NPR3: variants seen among roughly 807,000 people sequenced by gnomAD.
NPR3 encodes the protein atrial natriuretic peptide receptor 3.
A neutral mutation model predicts 54.5 loss-of-function variants in NPR3; 34 were observed. That is an observed-to-expected ratio of 0.62 (90% CI 0.47 to 0.83). NPR3 has a LOEUF of 0.83. Among genes scored for constraint, NPR3 ranks in the 40% least tolerant of loss-of-function variants. NPR3 has a pLI of 0.00. For synonymous variants in NPR3, 289 were observed against 297.1 expected, an observed-to-expected ratio of 0.97 and a Z score of 0.28; for missense variants, 674 against 720.8, an observed-to-expected ratio of 0.94 and a Z score of 0.74.
chr5:32,768,097 G>T (rs1448654666), intron 3 of NPR3, among the ~76,000 whole-genome samples: 1 of 152,110 alleles, frequency 6.6e-6, no homozygotes, highest in Non-Finnish European at 1.5e-5. Flanking sequence ...TTGGGTTTTG[G>T]TTTATGCCTT....
intron 2 of NPR3, among the ~76,000 whole-genome samples, chr5:32,730,325 C>T (rs1371866074): frequency 6.6e-6 from 1 of 152,054 alleles, no homozygotes; most frequent in African/African-American, 2.4e-5. Context: ...GGGGAACCTG[C>T]TTAGGTTGAC....
At chr5:32,722,317 C>A (rs1738907992) in intron 1 of NPR3, among the ~76,000 whole-genome samples, 1 of 152,122 alleles carries the variant, frequency 6.6e-6, no homozygotes, top group Non-Finnish European at 1.5e-5. Context: ...CCTCTACTGG[C>A]CTCCCTGATT....
At chr5:32,728,827 G>GTA (rs1221764954) in intron 2 of NPR3, among the ~76,000 whole-genome samples, 29 of 81,122 alleles carry the variant, frequency 3.6e-4, no homozygotes, top group Non-Finnish European at 5.4e-4. Flanking sequence ...GTGTGTGTGT[G>GTA]TGTGTGTGTG....
chr5:32,708,133 A>C (rs1244784839), upstream of NPR3, among the ~76,000 whole-genome samples: 2 of 151,998 alleles, frequency 1.3e-5, no homozygotes, highest in Non-Finnish European at 2.9e-5. Flanking sequence ...TTTCTTTCAA[A>C]TGGCTAATTT....
intron 1 of NPR3, among the ~76,000 whole-genome samples, chr5:32,702,026 C>T (rs1485848568): frequency 4.6e-5 from 7 of 152,150 alleles, no homozygotes; most frequent in African/African-American, 1.7e-4. Flanking sequence ...GTAACCACTG[C>T]CTTGCTACCA....
chr5:32,717,933 G>A (rs1265012834), intron 1 of NPR3, among the ~76,000 whole-genome samples: 2 of 152,144 alleles, frequency 1.3e-5, no homozygotes, highest in South Asian at 2.1e-4. Flanking sequence ...CCTTGCCCAT[G>A]CCTACGTCCT....
intron 3 of NPR3, among the ~76,000 whole-genome samples, chr5:32,749,176 G>A (rs1458042827): frequency 1.4e-5 from 2 of 144,760 alleles, no homozygotes; most frequent in African/African-American, 5.4e-5. Flanking sequence ...TTGGTGGGCT[G>A]TTATAATTTA....
intron 3 of NPR3, among the ~76,000 whole-genome samples, chr5:32,762,904 C>T (rs1741253074): frequency 6.6e-6 from 1 of 152,180 alleles, no homozygotes; most frequent in African/African-American, 2.4e-5. Flanking sequence ...GAAGTCTTTG[C>T]CCATGCCTAT....
rs1255898835 is a variant in NPR3, at chr5:32,712,300, C to G, written c.524C>G (p.Thr175Arg). 1.2e-6 allele frequency: 2 copies of G among 1,613,246 alleles called. No homozygotes were observed. Among genetic ancestry groups the G allele is most frequent in the East Asian group, 2.2e-5 (1 of 44,862 alleles). Residue 175 changes from threonine (T) to arginine (R), a missense_variant, in exon 1 of 8, where the codon ACG becomes AGG. Thr to Arg is a moderately conservative substitution (Grantham distance 71). Transcript: ENST00000265074. ...QHKDSEYSHL[T>R]RVAPAYAKMG... ...AAGGACTCTGAGTACTCGCACCTCA[C>G]GCGCGTGGCGCCCGCCTACGCCAAG...
rs1561141510 is a variant in NPR3 at position 32,789,706 on chromosome 5, C to A, written c.*3361C>A. The A allele has an allele frequency of 1.9e-6, 1 of 534,480 alleles. No homozygotes were observed. 33.1% of individuals were successfully genotyped at this position (534,480 alleles called of 1,614,324 possible). ...TGCATCACTTTCCTTTTAGTTATGG[C>A]TGATTTTGGGTGTGTGTGTGTAAGA... On this transcript the variant is annotated 3_prime_UTR_variant, in exon 8 of 8. Transcript: ENST00000265074.
intron 1 of NPR3, among the ~76,000 whole-genome samples, chr5:32,699,645 A>G (rs573171542): frequency 6.6e-6 from 1 of 152,286 alleles, no homozygotes; most frequent in South Asian, 2.1e-4. Flanking sequence ...TGTATTGTGT[A>G]TGTCTTGAAA....
At chr5:32,739,708 A>G (rs991009527) in intron 3 of NPR3, among the ~76,000 whole-genome samples, 3 of 152,152 alleles carry the variant, frequency 2.0e-5, no homozygotes, top group Non-Finnish European at 4.4e-5. Context: ...CTCATTTGGC[A>G]TCATTGTTTT....
At position 32,789,431 on chromosome 5, in the gene NPR3, C is replaced by A; in HGVS notation, c.*3086C>A. The A allele has an allele frequency of 1.9e-6, 1 of 529,866 alleles. No individual in the cohort carries two copies. Among genetic ancestry groups the A allele is most frequent in the South Asian group, 1.4e-5 (1 of 70,778 alleles). The allele number at this position is 529,866 out of a possible 1,614,324, so 32.8% of individuals were successfully genotyped here. ...GAAGGTCCCTGAAAACATCACATTT[C>A]TCTGAAGAACCATCAACTTGTCTTT... On this transcript the variant is annotated 3_prime_UTR_variant, in exon 8 of 8. Coordinates refer to ENST00000265074, the MANE Select transcript of NPR3 (RefSeq NM_001204375.2).
At chr5:32,736,037 C>T (rs1162169879) in intron 2 of NPR3, among the ~76,000 whole-genome samples, 2 of 151,936 alleles carry the variant, frequency 1.3e-5, no homozygotes, top group Non-Finnish European at 2.9e-5. Flanking sequence ...TTGAAACCAG[C>T]CTGGCCAACA....
chr5:32,785,789 T>C (rs956378483), intron 7 of NPR3, among the ~76,000 whole-genome samples: 2 of 152,318 alleles, frequency 1.3e-5, no homozygotes, highest in Admixed American at 6.5e-5. Flanking sequence ...GGTGGTTGAG[T>C]TTGTGGTTTA....
chr5:32,784,892 G>T lies in NPR3; in HGVS notation c.1514+9G>T. Reference sequence around the variant, plus strand: ...GCCTTCTACTTTTTCAGGTGAGGACGGTTTGTAAAGGTACAATTCACTCTC... The same window carrying T: ...GCCTTCTACTTTTTCAGGTGAGGACTGTTTGTAAAGGTACAATTCACTCTC... On this transcript the variant is annotated intron_variant, in intron 7 of 7. Transcript: ENST00000265074. The T allele has an allele frequency of 1.3e-6, 2 of 1,581,682 alleles. No individual in the cohort carries two copies. Among genetic ancestry groups the T allele is most frequent in the Non-Finnish European group, 1.7e-6 (2 of 1,150,546 alleles).
chr5:32,712,046 G>A lies in NPR3; in HGVS notation c.270G>A (p.Arg90=). 1.2e-6 allele frequency: 2 copies of A among 1,613,826 alleles called. No individual in the cohort carries two copies. Among genetic ancestry groups the A allele is most frequent in the South Asian group, 2.2e-5 (2 of 91,086 alleles). The part of the protein sequence containing the change: ...LRSVEGNGTG[R]RLLPPGTRFQ... ...GCGTGGAGGGCAACGGGACTGGGAG[G>A]CGGCTTCTGCCGCCGGGCACTCGCT... The change falls in exon 1 of 8, where the codon AGG becomes AGA. Residue 90 remains arginine (R), a synonymous_variant. Transcript: ENST00000265074.
intron 1 of NPR3, among the ~76,000 whole-genome samples, chr5:32,698,758 CT>C (rs1345938662): frequency 6.7e-6 from 1 of 148,696 alleles, no homozygotes. Context: ...TAGTTTTTAT[CT>C]TAAAATCTAT....
At chr5:32,710,607 C>G (rs2111832800), upstream of NPR3, 17 of 1,414,348 alleles carry the variant, frequency 1.2e-5, no homozygotes, top group South Asian at 2.6e-4. Context: ...TGGCGCGGGG[C>G]TGAGGAAGGC....
Sources: gnomAD v4.1 joint callset for allele counts (sites outside exome capture counted in the v4.1 genomes callset) on GRCh38, gnomAD v4.1.1 for gene constraint, MANE v1.5 for transcripts, NCBI Gene and HGNC (gene_info 2026-07-23, HGNC 2026-07-21) for gene names.